The following PPP3CC variants were observed in gnomAD, a reference collection of about 807,000 sequenced individuals.
PPP3CC encodes protein phosphatase 3 catalytic subunit gamma.
A neutral mutation model predicts 60.3 loss-of-function variants in PPP3CC; 35 were observed. That is an observed-to-expected ratio of 0.58 (90% CI 0.44 to 0.77). PPP3CC has a LOEUF of 0.77. PPP3CC is among the 30% of genes least tolerant of loss of function. PPP3CC has a pLI of 0.00. For missense variants in PPP3CC, 570 were observed against 628.9 expected, an observed-to-expected ratio of 0.91 and a Z score of 1.00; for synonymous variants, 206 against 224.3, an observed-to-expected ratio of 0.92 and a Z score of 0.73.
intron 6 of PPP3CC, among the ~76,000 whole-genome samples, chr8:22,513,847 G>A (rs1268783649): frequency 6.6e-6 from 1 of 152,178 alleles, no homozygotes; most frequent in African/African-American, 2.4e-5. Flanking sequence ...TATAGACTAA[G>A]ATATAAAAAG....
rs547966380 is a variant in PPP3CC at position 22,540,647 on chromosome 8, C to T, written c.1384C>T (p.Arg462Trp). 29 of 1,613,790 alleles carry T rather than the reference C, an allele frequency of 1.8e-5. No homozygotes were observed. Among genetic ancestry groups the T allele is most frequent in the African/African-American group, 6.7e-5 (5 of 75,008 alleles). Residue 462 changes from arginine to tryptophan, a missense_variant, in exon 14 of 14, where the codon CGG (arginine) becomes TGG (tryptophan). By Grantham distance (101) the Arg-to-Trp change is moderately radical (BLOSUM62 -3). Coordinates refer to ENST00000240139, the MANE Select transcript of PPP3CC (RefSeq NM_005605.5). The part of the protein sequence containing the change: ...IRGFSLQHKI[R>W]SFEEARGLDR... ...AGGGTTCTCGCTTCAGCACAAGATC[C>T]GGAGTTTTGAAGAAGCGCGAGGTCT...
chr8:22,480,119 A>G (rs1003110887), intron 3 of PPP3CC, among the ~76,000 whole-genome samples: 1 of 152,228 alleles, frequency 6.6e-6, no homozygotes, highest in Admixed American at 6.5e-5. Flanking sequence ...TTTAGAGACA[A>G]AACAGTAACT....
At chr8:22,475,185 G>T in intron 2 of PPP3CC, 34 bp downstream of exon 2, 2 of 1,553,912 alleles carry the variant, frequency 1.3e-6, no homozygotes, top group Non-Finnish European at 1.8e-6. Flanking sequence ...CTTTTTTACA[G>T]TATAGATTTG....
In PPP3CC at chr8:22,511,073, C is replaced by G. The variant is rs1456270748; in HGVS notation, c.485-13C>G. 4 of 1,612,620 alleles carry G rather than the reference C, an allele frequency of 2.5e-6. No homozygotes were observed. Among genetic ancestry groups the G allele is most frequent in the Non-Finnish European group, 3.4e-6 (4 of 1,179,196 alleles). On this transcript the variant is annotated splice_polypyrimidine_tract_variant and intron_variant, in intron 4 of 13. Coordinates refer to ENST00000240139, the MANE Select transcript of PPP3CC (RefSeq NM_005605.5). ...TTTAGTTCTTCCATTGACTGGTTTT[C>G]CTTTTTTGTTAGGTCGAATCAAATA...
At chr8:22,525,970 C>T (rs1411517628) in intron 8 of PPP3CC, among the ~76,000 whole-genome samples, 1 of 149,718 alleles carries the variant, frequency 6.7e-6, no homozygotes, top group Admixed American at 6.7e-5. Flanking sequence ...CGGGTTCAAG[C>T]AATTCTCCCG....
At chr8:22,452,338 G>C (rs1048177523) in intron 1 of PPP3CC, among the ~76,000 whole-genome samples, 2 of 152,104 alleles carry the variant, frequency 1.3e-5, no homozygotes, top group Non-Finnish European at 1.5e-5. Context: ...CTGGCCCTGC[G>C]TAGAATCTTG....
At chr8:22,507,032 T>G (rs947642962) in intron 4 of PPP3CC, among the ~76,000 whole-genome samples, 1 of 152,046 alleles carries the variant, frequency 6.6e-6, no homozygotes, top group African/African-American at 2.4e-5. Context: ...GGTGGGAGGA[T>G]CTCTTGAGGC....
intron 4 of PPP3CC, among the ~76,000 whole-genome samples, chr8:22,505,805 G>A (rs1040419710): frequency 9.9e-5 from 15 of 152,030 alleles, no homozygotes; most frequent in African/African-American, 3.6e-4. Flanking sequence ...GATGTGAGGA[G>A]GCTAGAAGAT....
At position 22,485,137 on chromosome 8, in the gene PPP3CC, G is replaced by A. The variant is rs547085417; in HGVS notation, c.372+9513G>A. Among the ~76,000 whole-genome samples, 3 of 152,250 alleles carry A rather than the reference G, an allele frequency of 2.0e-5. No individual in the cohort carries two copies. In the South Asian group the frequency reaches 6.2e-4, roughly 32 times the overall value. On this transcript the variant is annotated intron_variant, in intron 3 of 13. Coordinates refer to ENST00000240139, the MANE Select transcript of PPP3CC (RefSeq NM_005605.5). Reference sequence around the variant, plus strand: ...GGCTGGAATCCCAGAAAATATCTTGGCATGCCTTTGAATTTTGAGAGCCCA... The same window carrying A: ...GGCTGGAATCCCAGAAAATATCTTGACATGCCTTTGAATTTTGAGAGCCCA...
chr8:22,447,148 C>G (rs945659823), intron 1 of PPP3CC, among the ~76,000 whole-genome samples: 26 of 149,914 alleles, frequency 1.7e-4, no homozygotes, highest in African/African-American at 6.4e-4. Context: ...GAACCACAGG[C>G]ATAGCATACG....
intron 10 of PPP3CC, among the ~76,000 whole-genome samples, chr8:22,530,089 C>T (rs1177189308): frequency 6.6e-6 from 1 of 152,212 alleles, no homozygotes; most frequent in Non-Finnish European, 1.5e-5. Context: ...CATACACTCT[C>T]ATGCTTCAGG....
chr8:22,540,832 C>G lies in PPP3CC; in HGVS notation c.*30C>G. 1 of 1,509,456 alleles carries G rather than the reference C, an allele frequency of 6.6e-7. No homozygotes were observed. The allele number at this position is 1,509,456 out of a possible 1,614,324, so 93.5% of individuals were successfully genotyped here. ...GAGTCCTGCCGTGGCTCAGGTGGAT[C>G]TAAAACTCAAGAACAAATTCTATTT... On this transcript the variant is annotated 3_prime_UTR_variant, in exon 14 of 14. Coordinates refer to ENST00000240139, the MANE Select transcript of PPP3CC (RefSeq NM_005605.5).
intron 10 of PPP3CC, among the ~76,000 whole-genome samples, chr8:22,529,609 G>A (rs971509620): frequency 2.0e-5 from 3 of 152,020 alleles, no homozygotes; most frequent in African/African-American, 2.4e-5. Context: ...TTAGCCTCAC[G>A]AGTAGCTGGG....
chr8:22,471,948 A>G (rs1837735215), intron 1 of PPP3CC, among the ~76,000 whole-genome samples: 2 of 152,020 alleles, frequency 1.3e-5, no homozygotes, highest in African/African-American at 4.8e-5. Context: ...GGAGCGTGGC[A>G]AAACCCCATC....
At chr8:22,518,611 A>G (rs1839317372) in intron 6 of PPP3CC, among the ~76,000 whole-genome samples, 1 of 152,156 alleles carries the variant, frequency 6.6e-6, no homozygotes, top group South Asian at 2.1e-4. Context: ...AGTGTTGTTC[A>G]GTTCTGTTGT....
intron 3 of PPP3CC, among the ~76,000 whole-genome samples, chr8:22,496,485 CTTTTTTTTTTTTTTTTTT>C (rs71206523): frequency 2.3e-5 from 1 of 43,582 alleles, no homozygotes; most frequent in South Asian, 1.1e-3. Flanking sequence ...GAACTGTAAT[CTTTTTTTTTTTTTTTTTT>C]TTTTTTTTTT....
chr8:22,470,143 G>T (rs1191434950), intron 1 of PPP3CC, among the ~76,000 whole-genome samples: 5 of 149,658 alleles, frequency 3.3e-5, no homozygotes, highest in African/African-American at 1.2e-4. Context: ...TTTTTTAGAG[G>T]CAGAATCTCA....
rs1440161445 is a variant in PPP3CC, at chr8:22,506,948, TA to T, written c.485-4135del. The stretch of plus-strand genomic sequence containing the variant: ...TAAATAAATTAATTAATTAATTAAT[TA>T]AATTAAATAAATAAAAAATAAAAAA... On this transcript the variant is annotated intron_variant, in intron 4 of 13. Coordinates refer to ENST00000240139, the MANE Select transcript of PPP3CC (RefSeq NM_005605.5). 3.7e-3 allele frequency among the ~76,000 whole-genome samples: 547 copies of T among 149,692 alleles called. 3 individuals carry two copies. The highest frequency in any genetic ancestry group is 5.7e-3 in the Non-Finnish European group (388 of 67,480).
chr8:22,488,254 C>A (rs750700237), intron 3 of PPP3CC, among the ~76,000 whole-genome samples: 14 of 152,090 alleles, frequency 9.2e-5, no homozygotes, highest in Admixed American at 5.9e-4. Context: ...AAATTGTTAT[C>A]TTGGTAATGA....
Sources: allele counts gnomAD v4.1 joint callset (sites outside exome capture counted in the v4.1 genomes callset), GRCh38; gene constraint gnomAD v4.1.1; transcripts MANE v1.5; gene names NCBI Gene and HGNC (gene_info 2026-07-23, HGNC 2026-07-21).